HSD17B4: variants seen among roughly 807,000 people sequenced by gnomAD.
HSD17B4 encodes the protein peroxisomal multifunctional enzyme type 2.
In HSD17B4, 70 loss-of-function variants were observed where a neutral mutation model predicts 101.0. The ratio of observed to expected loss-of-function variants is 0.69; its 90% CI spans 0.57 to 0.85. HSD17B4 has a LOEUF of 0.85. HSD17B4 is among the 40% of genes least tolerant of loss of function. HSD17B4 has a pLI of 0.00. For synonymous variants in HSD17B4, 347 were observed against 297.1 expected (o/e 1.17, Z -1.73); for missense variants, 984 against 892.4 (o/e 1.10, Z -1.31).
rs138582862 is a variant in HSD17B4 at position 119,493,568 on chromosome 5, C to G, written c.740-250C>G. ...TTTCACATACAGCATAACATTCTAC[C>G]TTTAGTACTGTCTGGCATAGTCAGA... On this transcript the variant is annotated intron_variant, in intron 10 of 23. Coordinates refer to ENST00000510025, the MANE Select transcript of HSD17B4 (RefSeq NM_000414.4). 9.2e-6 allele frequency: 4 copies of G among 435,120 alleles called. No individual in the cohort carries two copies. The East Asian group carries it at 1.5e-4, about 16-fold the overall frequency. The allele number at this position is 435,120 out of a possible 1,614,324, so 27.0% of individuals were successfully genotyped here. A position where few individuals can be genotyped will look rare whatever the true frequency, so the allele number is the denominator to read the frequency against.
chr5:119,456,796 T>A (rs1754725489), intron 2 of HSD17B4: 1 of 187,144 alleles, frequency 5.3e-6, no homozygotes, highest in African/African-American at 2.4e-5. Flanking sequence ...AAAAGGAAAT[T>A]CTTGACTTCA....
At chr5:119,534,431 G>T (rs1754373222) in intron 22 of HSD17B4, among the ~76,000 whole-genome samples, 1 of 152,052 alleles carries the variant, frequency 6.6e-6, no homozygotes, top group Non-Finnish European at 1.5e-5. Context: ...TTGACTGTTA[G>T]AGGTTATCTA....
intron 2 of HSD17B4, chr5:119,471,607 A>T: frequency 1.0e-6 from 1 of 1,003,050 alleles, no homozygotes; most frequent in Non-Finnish European, 1.4e-6. Flanking sequence ...TATGCTATTT[A>T]TTAATTAGTA....
At chr5:119,484,802 G>A (rs1749465410) in intron 8 of HSD17B4, among the ~76,000 whole-genome samples, 1 of 152,056 alleles carries the variant, frequency 6.6e-6, no homozygotes, top group African/African-American at 2.4e-5. Context: ...TTTCTTTAGT[G>A]TAGAATACCT....
chr5:119,517,340 C>G (rs537730861), intron 17 of HSD17B4, among the ~76,000 whole-genome samples: 1 of 152,212 alleles, frequency 6.6e-6, no homozygotes, highest in Non-Finnish European at 1.5e-5. Context: ...GCTGCCTTCC[C>G]GCAGGGCAGG....
intron 14 of HSD17B4, among the ~76,000 whole-genome samples, chr5:119,506,478 C>T (rs1333658102): frequency 3.3e-5 from 5 of 152,248 alleles, no homozygotes; most frequent in South Asian, 2.1e-4. Flanking sequence ...AATAAATATA[C>T]GTGTGCATGT....
intron 2 of HSD17B4, among the ~76,000 whole-genome samples, chr5:119,463,655 CTTTTTTTT>C (rs57252147): frequency 2.0e-4 from 6 of 29,702 alleles, no homozygotes; most frequent in Non-Finnish European, 4.8e-4. Flanking sequence ...ATTTATATGT[CTTTTTTTT>C]TTTTTTTTTT....
intron 17 of HSD17B4, among the ~76,000 whole-genome samples, chr5:119,516,193 T>A (rs1561478090): frequency 6.6e-6 from 1 of 152,170 alleles, no homozygotes; most frequent in Non-Finnish European, 1.5e-5. Flanking sequence ...CTTTTAAATA[T>A]TTTTTCCATC....
intron 2 of HSD17B4, among the ~76,000 whole-genome samples, chr5:119,461,421 G>A (rs1755223633): frequency 6.6e-6 from 1 of 152,138 alleles, no homozygotes; most frequent in South Asian, 2.1e-4. Flanking sequence ...CAGACTGAAG[G>A]CAATGATAAT....
chr5:119,459,817 G>C (rs958772438), intron 2 of HSD17B4, among the ~76,000 whole-genome samples: 2 of 151,476 alleles, frequency 1.3e-5, no homozygotes, highest in African/African-American at 4.9e-5. Context: ...ATAGATTAAT[G>C]CATTTATAAG....
intron 22 of HSD17B4, chr5:119,536,123 G>A (rs1038728400): frequency 2.9e-6 from 1 of 346,746 alleles, no homozygotes; most frequent in African/African-American, 2.1e-5. Flanking sequence ...AATAAGATTA[G>A]CTGTGATCTT....
At chr5:119,482,506 G>C (rs2126716780) in intron 8 of HSD17B4, among the ~76,000 whole-genome samples, 1 of 152,080 alleles carries the variant, frequency 6.6e-6, no homozygotes, top group South Asian at 2.1e-4. Context: ...TTTTAACATG[G>C]GTTGCAATTT....
intron 2 of HSD17B4, among the ~76,000 whole-genome samples, chr5:119,462,053 C>T (rs941258031): frequency 2.0e-5 from 3 of 151,954 alleles, no homozygotes; most frequent in East Asian, 3.9e-4. Context: ...TAAAAAAAAC[C>T]CTCCAGGGTT....
chr5:119,502,161 C>G, intron 14 of HSD17B4, 69 bp downstream of exon 14: 1 of 1,025,890 alleles, frequency 9.7e-7, no homozygotes. Flanking sequence ...TAAACAACAT[C>G]AGTGTGTTAA....
In HSD17B4 at chr5:119,452,517, C is replaced by A. The variant is rs972935670; in HGVS notation, c.-59C>A. The A allele has an allele frequency of 6.2e-7, 1 of 1,613,104 alleles. No individual in the cohort carries two copies. The highest frequency in any genetic ancestry group is 2.2e-5 in the East Asian group (1 of 44,858). On this transcript the variant is annotated 5_prime_UTR_variant, in exon 1 of 24. Coordinates refer to ENST00000510025, the MANE Select transcript of HSD17B4 (RefSeq NM_000414.4). ...CCGCCATTCCCCGCCTCCTCCTGTC[C>A]CGCAGTCGGCGTCCAGCGGCTCTGC...
intron 23 of HSD17B4, among the ~76,000 whole-genome samples, chr5:119,536,986 ATTAT>A (rs1293938936): frequency 6.6e-6 from 1 of 152,136 alleles, no homozygotes; most frequent in Non-Finnish European, 1.5e-5. Context: ...TTCTGTGACG[ATTAT>A]TTAGTTAATA....
In HSD17B4 at chr5:119,497,849, A is replaced by G. The variant is rs199669557; in HGVS notation, c.972+1203A>G. The stretch of plus-strand genomic sequence containing the variant: ...CAGTACCATTAGATTTCTGTATCTA[A>G]CTGTATGACAAGTATCATTTTTTTT... On this transcript the variant is annotated intron_variant, in intron 12 of 23. Coordinates refer to ENST00000510025, the MANE Select transcript of HSD17B4 (RefSeq NM_000414.4). Among the ~76,000 whole-genome samples, 12 of 152,278 alleles carry G rather than the reference A, an allele frequency of 7.9e-5. No individual in the cohort carries two copies. In the East Asian group the frequency reaches 2.3e-3, roughly 29 times the overall value.
chr5:119,505,760 C>T, intron 14 of HSD17B4, among the ~76,000 whole-genome samples: 1 of 150,436 alleles, frequency 6.6e-6, no homozygotes, highest in Non-Finnish European at 1.5e-5. Flanking sequence ...TGCCAGATTG[C>T]TCTGGGTAGG....
chr5:119,512,426 G>T (rs908462149), intron 16 of HSD17B4, among the ~76,000 whole-genome samples: 1 of 151,982 alleles, frequency 6.6e-6, no homozygotes, highest in Non-Finnish European at 1.5e-5. Flanking sequence ...GAAACGAAAA[G>T]GTTGAAAATA....
Sources: gnomAD v4.1 joint callset for allele counts (sites outside exome capture counted in the v4.1 genomes callset) on GRCh38, gnomAD v4.1.1 for gene constraint, MANE v1.5 for transcripts, NCBI Gene and HGNC (gene_info 2026-07-23, HGNC 2026-07-21) for gene names.